NDUFV3: variants seen among roughly 807,000 people sequenced by gnomAD.
NDUFV3 encodes NADH dehydrogenase [ubiquinone] flavoprotein 3, mitochondrial.
Under a neutral mutation model 37.5 loss-of-function variants are expected in NDUFV3, and 44 were observed. The observed-to-expected ratio is 1.17, with a 90% CI of 0.92 to 1.51. The LOEUF (loss-of-function observed/expected upper bound fraction) is 1.51, where lower values mean the gene tolerates loss of function less well. Ranked by LOEUF, NDUFV3 falls within the 40% of genes most tolerant of loss-of-function variation. NDUFV3 has a pLI of 0.00. For synonymous variants in NDUFV3, 235 were observed against 239.3 expected (o/e 0.98, Z 0.17); for missense variants, 580 against 580.4 (o/e 1.00, Z 0.01).
At chr21:42,907,480 C>G (rs905160006) in intron 3 of NDUFV3, among the ~76,000 whole-genome samples, 2 of 136,664 alleles carry the variant, frequency 1.5e-5, no homozygotes, top group African/African-American at 5.6e-5. Flanking sequence ...GAGACAGAGT[C>G]TAACTTTGTC....
intron 3 of NDUFV3, among the ~76,000 whole-genome samples, chr21:42,908,307 C>CAAA (rs796636310): frequency 4.3e-5 from 6 of 140,372 alleles, no homozygotes; most frequent in African/African-American, 1.6e-4. Flanking sequence ...GACTCCATCT[C>CAAA]AAAAAAAAAA....
Position 42,903,694 on chromosome 21 carries a change from A to G in NDUFV3, c.682A>G (p.Lys228Glu). The change falls in exon 3 of 4, where the codon AAG becomes GAG. Residue 228 changes from lysine (K) to glutamate (E), a missense_variant. Transcript: ENST00000354250. Reference protein sequence around the residue: ...ITDPEKPHQPKKKGSPAKPSE... With the variant: ...ITDPEKPHQPEKKGSPAKPSE... Reference sequence around the variant, plus strand: ...TGATCCAGAGAAGCCCCACCAGCCAAAGAAGAAAGGGTCCCCTGCTAAGCC... The same window carrying G: ...TGATCCAGAGAAGCCCCACCAGCCAGAGAAGAAAGGGTCCCCTGCTAAGCC... The G allele has an allele frequency of 6.2e-7, 1 of 1,614,154 alleles. No homozygotes were observed. The highest frequency in any genetic ancestry group is 8.5e-7 in the Non-Finnish European group (1 of 1,180,032).
chr21:42,897,145 A>G, intron 2 of NDUFV3, 98 bp downstream of exon 2: 3 of 1,367,130 alleles, frequency 2.2e-6, no homozygotes, highest in Non-Finnish European at 3.1e-6. Flanking sequence ...TAGCTACGTA[A>G]TTTATGCTTC....
Position 42,894,393 on chromosome 21 carries a change from ATT to A in NDUFV3, c.48+1013_48+1014del, listed in dbSNP as rs1491233391. On this transcript the variant is annotated intron_variant, in intron 1 of 3. Transcript: ENST00000354250. Reference sequence around the variant, plus strand: ...ATATTTATATAATATGTAAATATATATTATATATTTATATAATATATAATATA... The same window carrying A: ...ATATTTATATAATATGTAAATATATAATATATTTATATAATATATAATATA... Among the ~76,000 whole-genome samples, 90 of 41,214 alleles carry A rather than the reference ATT, an allele frequency of 2.2e-3. 32 individuals are homozygous for A. Among genetic ancestry groups the A allele is most frequent in the Non-Finnish European group, 3.3e-3 (86 of 25,960 alleles). 27.0% of individuals were successfully genotyped at this position (41,214 alleles called of 152,430 possible).
intron 3 of NDUFV3, among the ~76,000 whole-genome samples, chr21:42,908,180 G>A (rs759637120): frequency 3.3e-5 from 5 of 151,862 alleles, no homozygotes; most frequent in African/African-American, 4.8e-5. Context: ...GGTGGCAGAC[G>A]CCTGTAATCC....
intron 1 of NDUFV3, among the ~76,000 whole-genome samples, chr21:42,895,970 CT>C (rs907756040): frequency 7.6e-5 from 11 of 145,300 alleles, no homozygotes; most frequent in Admixed American, 6.9e-5. Context: ...AATCCCAGCA[CT>C]TTGGTTGTTT....
intron 1 of NDUFV3, among the ~76,000 whole-genome samples, chr21:42,894,040 A>G (rs2058670047): frequency 6.6e-6 from 1 of 151,106 alleles, no homozygotes; most frequent in Non-Finnish European, 1.5e-5. Flanking sequence ...ACATGTCGAA[A>G]CCCCGTCTCT....
intron 1 of NDUFV3, 34 bp from the exon 2 acceptor site, chr21:42,896,893 T>C (rs9974287): frequency 1.3e-6 from 2 of 1,598,976 alleles, no homozygotes; most frequent in Non-Finnish European, 8.6e-7. Context: ...ATGGCATTAC[T>C]CTAAACATCC....
chr21:42,906,912 C>T (rs748401380), intron 3 of NDUFV3: 5 of 515,116 alleles, frequency 9.7e-6, no homozygotes, highest in Non-Finnish European at 1.9e-5. Context: ...AATGAGACAT[C>T]GTTTTTGCTT....
In NDUFV3 at chr21:42,909,285, GT is replaced by G; in HGVS notation, c.*265del. On this transcript the variant is annotated 3_prime_UTR_variant, in exon 4 of 4. Coordinates refer to ENST00000354250, the MANE Select transcript of NDUFV3 (RefSeq NM_021075.4). ...GCCTCCCAAGTAGGTGGGATTACAG[GT>G]ACTCACCACCAGGTCCAGCTAACTT... is the stretch of plus-strand genomic sequence containing the variant. 2.5e-6 allele frequency: 1 copy of G among 402,148 alleles called. No homozygotes were observed. Among genetic ancestry groups the G allele is most frequent in the Non-Finnish European group, 4.7e-6 (1 of 212,678 alleles). 24.9% of individuals were successfully genotyped at this position (402,148 alleles called of 1,614,324 possible).
chr21:42,896,811 C>T lies in NDUFV3; in HGVS notation c.49-116C>T, dbSNP rs1169835693. On this transcript the variant is annotated intron_variant, in intron 1 of 3. Transcript: ENST00000354250. ...CCATGATTGTGCCACTGCACTCCAGCCTGGACGACTGAGAGAGACCCCTGA... is the reference window on the plus strand; with the variant it reads ...CCATGATTGTGCCACTGCACTCCAGTCTGGACGACTGAGAGAGACCCCTGA... 6 of 1,080,000 alleles carry T rather than the reference C, an allele frequency of 5.6e-6. No individual in the cohort carries two copies. The Admixed American group carries it at 1.3e-4, about 24-fold the overall frequency. The allele number at this position is 1,080,000 out of a possible 1,614,324, so 66.9% of individuals were successfully genotyped here.
In NDUFV3 at chr21:42,912,584, C is replaced by T. The variant is rs2058774891; in HGVS notation, c.*3563C>T. On this transcript the variant is annotated 3_prime_UTR_variant, in exon 4 of 4. Coordinates refer to ENST00000354250, the MANE Select transcript of NDUFV3 (RefSeq NM_021075.4). The stretch of plus-strand genomic sequence containing the variant: ...CCGTCCTGGCTAACACGGTGAAACC[C>T]TGTCTCTACTAAAAATACAAAAAAT... The T allele has an allele frequency of 6.6e-6, 1 of 152,172 alleles. No homozygotes were observed. Among genetic ancestry groups the T allele is most frequent in the African/African-American group, 2.4e-5 (1 of 41,320 alleles). The allele number at this position is 152,172 out of a possible 1,614,324, so 9.4% of individuals were successfully genotyped here. A position where few individuals can be genotyped will look rare whatever the true frequency, so the allele number is the denominator to read the frequency against.
Position 42,897,937 on chromosome 21 carries a change from G to A in NDUFV3, c.169+890G>A, listed in dbSNP as rs140542823. On this transcript the variant is annotated intron_variant, in intron 2 of 3. Coordinates refer to ENST00000354250, the MANE Select transcript of NDUFV3 (RefSeq NM_021075.4). ...GTGATCCGCCCGCCTTGGCCTCCCA[G>A]AGTGCTGGAATTACAGGCGTGAGCC... Among the ~76,000 whole-genome samples, 565 of 151,068 alleles carry A rather than the reference G, an allele frequency of 3.7e-3. 1 individual carries two copies. The highest frequency in any genetic ancestry group is 5.4e-3 in the African/African-American group (221 of 41,160).
At position 42,909,168 on chromosome 21, in the gene NDUFV3, G is replaced by A. The variant is rs1409864301; in HGVS notation, c.*147G>A. The A allele has an allele frequency of 2.3e-5, 19 of 813,912 alleles. No individual in the cohort carries two copies. Among genetic ancestry groups the A allele is most frequent in the Non-Finnish European group, 3.4e-5 (18 of 533,426 alleles). The allele number at this position is 813,912 out of a possible 1,614,324, so 50.4% of individuals were successfully genotyped here. On this transcript the variant is annotated 3_prime_UTR_variant, in exon 4 of 4. Coordinates refer to ENST00000354250, the MANE Select transcript of NDUFV3 (RefSeq NM_021075.4). ...TTTTTTTTTTTTTTTTTGAGACAGG[G>A]TCTCACTCTGTCACCCAGGCTGGAG... is the stretch of plus-strand genomic sequence containing the variant.
At position 42,909,033 on chromosome 21, in the gene NDUFV3, G is replaced by A; in HGVS notation, c.*12G>A. 1 of 1,612,420 alleles carries A rather than the reference G, an allele frequency of 6.2e-7. No homozygotes were observed. Among genetic ancestry groups the A allele is most frequent in the Non-Finnish European group, 8.5e-7 (1 of 1,179,500 alleles). On this transcript the variant is annotated 3_prime_UTR_variant, in exon 4 of 4. Transcript: ENST00000354250. ...CACCTCGACACTGAGGGCCCTCGGTGTGAAGATGAACCTTCCACCGTCTTC... is the reference window on the plus strand; with the variant it reads ...CACCTCGACACTGAGGGCCCTCGGTATGAAGATGAACCTTCCACCGTCTTC...
In NDUFV3 at chr21:42,911,274, T is replaced by C. The variant is rs1231193724; in HGVS notation, c.*2253T>C. ...AATTTTTTTTTTTAAATATCAAAAT[T>C]GAAAACTAGTATTGTGGTCATCTGC... is the stretch of plus-strand genomic sequence containing the variant. On this transcript the variant is annotated 3_prime_UTR_variant, in exon 4 of 4. Coordinates refer to ENST00000354250, the MANE Select transcript of NDUFV3 (RefSeq NM_021075.4). 6.6e-6 allele frequency: 1 copy of C among 151,964 alleles called. No homozygotes were observed. Among genetic ancestry groups the C allele is most frequent in the East Asian group, 1.9e-4 (1 of 5,184 alleles). The allele number at this position is 151,964 out of a possible 1,614,324, so 9.4% of individuals were successfully genotyped here. A position where few individuals can be genotyped will look rare whatever the true frequency, so the allele number is the denominator to read the frequency against.
In NDUFV3 at chr21:42,898,838, C is replaced by T. The variant is rs143450789; in HGVS notation, c.169+1791C>T. ...ACAATTAGTTGAATTTCATTGCTAACATTATCCTCTCCTTTGGTGAATTTT... is the reference window on the plus strand; with the variant it reads ...ACAATTAGTTGAATTTCATTGCTAATATTATCCTCTCCTTTGGTGAATTTT... On this transcript the variant is annotated intron_variant, in intron 2 of 3. Coordinates refer to ENST00000354250, the MANE Select transcript of NDUFV3 (RefSeq NM_021075.4). Among the ~76,000 whole-genome samples the T allele has an allele frequency of 1.5e-3, 222 of 152,340 alleles. 2 individuals carry two copies. Among genetic ancestry groups the T allele is most frequent in the African/African-American group, 5.1e-3 (210 of 41,572 alleles).
intron 3 of NDUFV3, among the ~76,000 whole-genome samples, chr21:42,905,944 G>A (rs1198887630): frequency 2.7e-5 from 4 of 150,540 alleles, no homozygotes; most frequent in Admixed American, 6.7e-5. Context: ...GCTCACTGCC[G>A]GCTCCACCTC....
chr21:42,894,729 A>T (rs2058683466), intron 1 of NDUFV3, among the ~76,000 whole-genome samples: 1 of 149,880 alleles, frequency 6.7e-6, no homozygotes, highest in Admixed American at 6.8e-5. Context: ...ACAGTCTACC[A>T]TTACTCCTTC....
Sources: gnomAD v4.1 joint callset for allele counts (sites outside exome capture counted in the v4.1 genomes callset) on GRCh38, gnomAD v4.1.1 for gene constraint, MANE v1.5 for transcripts, NCBI Gene and HGNC (gene_info 2026-07-23, HGNC 2026-07-21) for gene names.